HMCN1: variants seen among roughly 807,000 people sequenced by gnomAD.
HMCN1 encodes hemicentin-1.
In HMCN1, 321 loss-of-function variants were observed where a neutral mutation model predicts 625.9. The observed-to-expected ratio is 0.51, with a 90% CI of 0.47 to 0.56. HMCN1 has a LOEUF of 0.56. Ranked by LOEUF, HMCN1 falls within the 20% of genes least tolerant of loss-of-function variation. The probability of loss-of-function intolerance (pLI) is 0.00; values close to 1 mark genes in which losing one functional copy is unlikely to be tolerated. For synonymous variants in HMCN1, 2,425 were observed against 2,417.6 expected (o/e 1.00, Z -0.09); for missense variants, 6,588 against 6,887.3 (o/e 0.96, Z 1.54).
intron 68 of HMCN1, among the ~76,000 whole-genome samples, chr1:186,098,756 A>T (rs1331425149): frequency 2.0e-5 from 3 of 152,206 alleles, no homozygotes; most frequent in Non-Finnish European, 4.4e-5. Flanking sequence ...CCCAACAGAC[A>T]AGATATATAA....
chr1:185,965,747 A>G, intron 13 of HMCN1, 55 bp from the exon 14 acceptor site: 1 of 989,256 alleles, frequency 1.0e-6, no homozygotes, highest in Non-Finnish European at 1.6e-6. Context: ...AACATAAACA[A>G]AATCCATCTG....
Position 186,095,374 on chromosome 1 carries a change from C to T in HMCN1, c.10426C>T (p.Leu3476=). 1.2e-6 allele frequency: 2 copies of T among 1,613,734 alleles called. No homozygotes were observed. The highest frequency in any genetic ancestry group is 1.7e-6 in the Non-Finnish European group (2 of 1,179,860). ...GGCCTGGCTTAGAGATGGCCAGCCT[C>T]TGGGGCTTGATGCCCATCTGACAGT... The part of the protein sequence containing the change: ...SMAWLRDGQP[L]GLDAHLTVST... Residue 3476 remains leucine, a synonymous_variant, in exon 68 of 107, where the codon CTG becomes TTG. Transcript: ENST00000271588.
intron 22 of HMCN1, among the ~76,000 whole-genome samples, 199 bp downstream of exon 22, chr1:185,990,642 C>A (rs11809362): frequency 0.028 from 4,301 of 152,234 alleles, 211 homozygotes; most frequent in African/African-American, 0.098. Context: ...GAAATGCTAA[C>A]ATTCAGCTTT....
rs556395853 is a variant in HMCN1 at position 185,950,852 on chromosome 1, G to C, written c.1829-11666G>C. Among the ~76,000 whole-genome samples the C allele has an allele frequency of 8.6e-5, 13 of 151,750 alleles. No homozygotes were observed. In the East Asian group the frequency reaches 2.5e-3, roughly 29 times the overall value. Reference sequence around the variant, plus strand: ...GGAGAGTATATGGGTTTGGCACCATGGGGTGGATAGGCAAAACAATTTGGT... The same window carrying C: ...GGAGAGTATATGGGTTTGGCACCATCGGGTGGATAGGCAAAACAATTTGGT... On this transcript the variant is annotated intron_variant, in intron 11 of 106. Coordinates refer to ENST00000271588, the MANE Select transcript of HMCN1 (RefSeq NM_031935.3).
chr1:186,087,280 C>T lies in HMCN1; in HGVS notation c.9110C>T (p.Ala3037Val), dbSNP rs1443531784. ...GATGGTGGTGAATACACTTGTATAGCTATCAATCAAGCTGGCGAAAGCAAG... is the reference window on the plus strand; with the variant it reads ...GATGGTGGTGAATACACTTGTATAGTTATCAATCAAGCTGGCGAAAGCAAG... ...VSDGGEYTCI[A>V]INQAGESKKK... is the part of the protein sequence containing the mutation. The change falls in exon 59 of 107, where the codon GCT (alanine) becomes GTT (valine). Residue 3037 changes from alanine to valine, a missense_variant. Ala to Val is a moderately conservative substitution (Grantham distance 64). Coordinates refer to ENST00000271588, the MANE Select transcript of HMCN1 (RefSeq NM_031935.3). The T allele has an allele frequency of 6.2e-7, 1 of 1,613,224 alleles. No homozygotes were observed. The highest frequency in any genetic ancestry group is 8.5e-7 in the Non-Finnish European group (1 of 1,179,440).
At chr1:186,160,918 C>T (rs1054455622) in intron 97 of HMCN1, among the ~76,000 whole-genome samples, 8 of 151,676 alleles carry the variant, frequency 5.3e-5, no homozygotes, top group Admixed American at 4.6e-4. Flanking sequence ...GTGGAGAGTT[C>T]TGTAGATGTC....
intron 102 of HMCN1, among the ~76,000 whole-genome samples, chr1:186,172,709 A>G (rs1652307683): frequency 6.6e-6 from 1 of 152,212 alleles, no homozygotes; most frequent in Non-Finnish European, 1.5e-5. Flanking sequence ...TGCAGGATTT[A>G]CAAAAATAAA....
chr1:186,166,737 C>T (rs1401869357), intron 99 of HMCN1, 71 bp from the exon 100 acceptor site: 16 of 1,608,012 alleles, frequency 1.0e-5, no homozygotes, highest in Non-Finnish European at 1.3e-5. Flanking sequence ...TTTTGTATCC[C>T]TATTTCACCG....
At chr1:185,885,750 C>A (rs919696825) in intron 4 of HMCN1, among the ~76,000 whole-genome samples, 4 of 152,004 alleles carry the variant, frequency 2.6e-5, no homozygotes, top group Non-Finnish European at 2.9e-5. Context: ...TACATTATCT[C>A]ATTTAATTAT....
chr1:185,807,147 A>G (rs1659224969), intron 1 of HMCN1, among the ~76,000 whole-genome samples: 1 of 152,222 alleles, frequency 6.6e-6, no homozygotes, highest in Non-Finnish European at 1.5e-5. Flanking sequence ...TATTTAAACT[A>G]TCTAAGAACA....
intron 12 of HMCN1, 21 bp from the exon 13 acceptor site, chr1:185,963,745 TTC>T: frequency 6.5e-7 from 1 of 1,532,150 alleles, no homozygotes; most frequent in African/African-American, 1.4e-5. Context: ...CAATTTTATA[TTC>T]TTTTTGTTTT....
rs1331771284 is a variant in HMCN1, at chr1:186,151,291, C to A, written c.14700C>A (p.Ser4900Arg). Reference protein sequence around the residue: ...IAFLNATITDSPNSDTRIIRA... With the variant: ...IAFLNATITDRPNSDTRIIRA... ...TCCTTAATGCCACAATAACTGATAG[C>A]CCTAACTCTGATACTAGAATAATAC... Residue 4900 changes from serine to arginine, a missense_variant, in exon 94 of 107, where the codon AGC becomes AGA. By Grantham distance (110) the Ser-to-Arg change is moderately radical. Transcript: ENST00000271588. The A allele has an allele frequency of 6.2e-7, 1 of 1,612,964 alleles. No individual in the cohort carries two copies. Among genetic ancestry groups the A allele is most frequent in the Non-Finnish European group, 8.5e-7 (1 of 1,179,144 alleles).
At chr1:185,828,533 C>G (rs59660733) in intron 1 of HMCN1, among the ~76,000 whole-genome samples, 6,011 of 152,076 alleles carry the variant, frequency 0.04, 398 homozygotes, top group African/African-American at 0.13. Flanking sequence ...GAAATATCTA[C>G]ATCTATAGAA....
At chr1:186,096,213 A>G (rs1446199255) in intron 68 of HMCN1, among the ~76,000 whole-genome samples, 2 of 152,138 alleles carry the variant, frequency 1.3e-5, no homozygotes, top group Non-Finnish European at 2.9e-5. Flanking sequence ...ACTTTTGGCA[A>G]GAGTCTTGGT....
At chr1:186,069,323 A>G (rs926083761) in intron 50 of HMCN1, among the ~76,000 whole-genome samples, 2 of 152,222 alleles carry the variant, frequency 1.3e-5, no homozygotes, top group African/African-American at 4.8e-5. Flanking sequence ...CCTGTAGGCT[A>G]GGTAGATAAG....
intron 2 of HMCN1, among the ~76,000 whole-genome samples, chr1:185,848,460 A>C (rs1226080239): frequency 6.6e-6 from 1 of 151,880 alleles, no homozygotes; most frequent in Non-Finnish European, 1.5e-5. Context: ...TTGGCCATTG[A>C]GTATTGGTGT....
Position 185,892,090 on chromosome 1 carries a change from C to T in HMCN1, c.622-17247C>T, listed in dbSNP as rs931961688. On this transcript the variant is annotated intron_variant, in intron 4 of 106. Coordinates refer to ENST00000271588, the MANE Select transcript of HMCN1 (RefSeq NM_031935.3). ...CTTCCATCGCTGTTACCCTTTCTTC[C>T]AGTTGATTGCATCGGGTCCTGAGGC... 6.0e-5 allele frequency among the ~76,000 whole-genome samples: 9 copies of T among 150,446 alleles called. No homozygotes were observed. In the South Asian group the frequency reaches 1.9e-3, roughly 31 times the overall value.
At position 186,069,720 on chromosome 1, in the gene HMCN1, G is replaced by C. The variant is rs759044113; in HGVS notation, c.7937G>C (p.Cys2646Ser). 2 of 1,613,538 alleles carry C rather than the reference G, an allele frequency of 1.2e-6. No homozygotes were observed. The change falls in exon 51 of 107, where the codon TGT becomes TCT. Residue 2646 changes from cysteine to serine, a missense_variant. Physicochemically the swap from Cys to Ser is moderately radical, Grantham distance 112. Coordinates refer to ENST00000271588, the MANE Select transcript of HMCN1 (RefSeq NM_031935.3). ...GAGGACAATGCTGGAAGATACTCTT[G>C]TGTAGCCACGAATGAGGCTGGAGAA... ...AQEDNAGRYS[C>S]VATNEAGEMI...
intron 32 of HMCN1, 30 bp downstream of exon 32, chr1:186,016,269 C>A: frequency 1.2e-6 from 2 of 1,600,436 alleles, no homozygotes; most frequent in East Asian, 2.2e-5. Context: ...CCTGGGTTCT[C>A]AGATTCATAG....
Sources: allele counts gnomAD v4.1 joint callset (sites outside exome capture counted in the v4.1 genomes callset), GRCh38; gene constraint gnomAD v4.1.1; transcripts MANE v1.5; gene names NCBI Gene and HGNC (gene_info 2026-07-23, HGNC 2026-07-21).